The following RGS8 variants were observed in gnomAD, a reference collection of about 807,000 sequenced individuals.
The protein encoded by RGS8 is regulator of G protein signaling 8, also known as regulator of G-protein signaling 8.
In RGS8, 8 loss-of-function variants were observed where a neutral mutation model predicts 21.7. The ratio of observed to expected loss-of-function variants is 0.37; its 90% CI spans 0.22 to 0.66. The LOEUF is 0.66. Ranked by LOEUF, RGS8 falls within the 30% of genes least tolerant of loss-of-function variation. The pLI is 0.59. For missense variants in RGS8, 157 were observed against 217.9 expected, an observed-to-expected ratio of 0.72 and a Z score of 1.76; for synonymous variants, 80 against 83.6, an observed-to-expected ratio of 0.96 and a Z score of 0.24.
the RGS8 span, among the ~76,000 whole-genome samples, chr1:182,691,620 A>C: frequency 1.3e-5 from 2 of 149,976 alleles, no homozygotes; most frequent in Admixed American, 6.6e-5. Context: ...AAAAAAAAAA[A>C]AAAAAAAAAA....
chr1:182,695,172 C>A, the RGS8 span, among the ~76,000 whole-genome samples: 13 of 152,152 alleles, frequency 8.5e-5, no homozygotes, highest in African/African-American at 3.1e-4. Flanking sequence ...TTGGCAAGAA[C>A]ACCTAAGAAA....
chr1:182,673,482 C>T (rs1664256475), upstream of RGS8, among the ~76,000 whole-genome samples: 1 of 151,864 alleles, frequency 6.6e-6, no homozygotes, highest in Non-Finnish European at 1.5e-5. Context: ...TCTTTCTGGG[C>T]AGATCTATTG....
At chr1:182,676,311 C>T (rs1365081258), upstream of RGS8, among the ~76,000 whole-genome samples, 4 of 152,126 alleles carry the variant, frequency 2.6e-5, no homozygotes, top group Non-Finnish European at 5.9e-5. Flanking sequence ...ATCAACATAC[C>T]ACCTAGGATA....
chr1:182,742,747 G>GAGGGACAGGGACAGGGAC, the RGS8 span, among the ~76,000 whole-genome samples: 5,329 of 150,394 alleles, frequency 0.035, 136 homozygotes, highest in Non-Finnish European at 0.055. Flanking sequence ...GGGAGAGGGA[G>GAGGGACAGGGACAGGGAC]AGGGACAGGG....
upstream of RGS8, among the ~76,000 whole-genome samples, chr1:182,689,043 C>T (rs552025170): frequency 1.3e-5 from 2 of 151,960 alleles, no homozygotes; most frequent in African/African-American, 4.8e-5. Flanking sequence ...TGGTAGTAAC[C>T]GAAAACTAAC....
chr1:182,733,226 C>A, the RGS8 span, among the ~76,000 whole-genome samples: 2 of 152,140 alleles, frequency 1.3e-5, no homozygotes, highest in African/African-American at 4.8e-5. Context: ...ATTAAATCAA[C>A]ACAATTTTGC....
upstream of RGS8, among the ~76,000 whole-genome samples, chr1:182,689,264 GACACACACAC>G (rs34000229): frequency 0.012 from 1,531 of 125,764 alleles, 18 homozygotes; most frequent in African/African-American, 0.035. Flanking sequence ...CACACACACA[GACACACACAC>G]ACACACACAC....
At chr1:182,659,935 C>T (rs934118887) in intron 5 of RGS8, among the ~76,000 whole-genome samples, 4 of 152,056 alleles carry the variant, frequency 2.6e-5, no homozygotes, top group African/African-American at 7.2e-5. Flanking sequence ...GCTCATGAGG[C>T]AAAGGGGACA....
chr1:182,742,480 C>T, the RGS8 span, among the ~76,000 whole-genome samples: 3 of 152,210 alleles, frequency 2.0e-5, no homozygotes, highest in Non-Finnish European at 2.9e-5. Context: ...ACTCCGTCTG[C>T]AATCTCGGCA....
At chr1:182,658,584 C>T (rs1366889713) in intron 5 of RGS8, 1 of 152,200 alleles carries the variant, frequency 6.6e-6, no homozygotes, top group Non-Finnish European at 1.5e-5. Flanking sequence ...GATGCCAAAA[C>T]TTCTTTGATC....
At chr1:182,741,183 GC>G in the RGS8 span, among the ~76,000 whole-genome samples, 1 of 144,182 alleles carries the variant, frequency 6.9e-6, no homozygotes, top group Non-Finnish European at 1.5e-5. Context: ...CGGGTGGGGG[GC>G]TGACCCCCCC....
chr1:182,741,332 G>T, the RGS8 span, among the ~76,000 whole-genome samples: 69 of 122,692 alleles, frequency 5.6e-4, 1 homozygote, highest in African/African-American at 2.0e-3. Flanking sequence ...CCTCCCTCCC[G>T]GACGGGGCGG....
upstream of RGS8, chr1:182,671,951 G>A (rs142758866): frequency 3.9e-4 from 543 of 1,388,716 alleles, 4 homozygotes; most frequent in East Asian, 0.013. Flanking sequence ...AGCGGGCGGC[G>A]GCTCAGCTCC....
the RGS8 span, among the ~76,000 whole-genome samples, chr1:182,699,860 TC>T: frequency 6.6e-6 from 1 of 152,048 alleles, no homozygotes; most frequent in African/African-American, 2.4e-5. Context: ...AATGCCGTGT[TC>T]CAGCAGTGCC....
the RGS8 span, among the ~76,000 whole-genome samples, chr1:182,707,023 G>T: frequency 6.6e-6 from 1 of 152,024 alleles, no homozygotes; most frequent in Non-Finnish European, 1.5e-5. Context: ...GCCAGGCGTG[G>T]TGGGGGGTGC....
the RGS8 span, among the ~76,000 whole-genome samples, chr1:182,750,144 T>C: frequency 2.6e-5 from 4 of 152,226 alleles, no homozygotes; most frequent in Non-Finnish European, 2.9e-5. Context: ...TTAGAACACA[T>C]AGTATGAGAT....
chr1:182,742,071 A>C, the RGS8 span, among the ~76,000 whole-genome samples: 104 of 140,374 alleles, frequency 7.4e-4, no homozygotes, highest in Non-Finnish European at 3.0e-4. Flanking sequence ...ACGGGGCGGC[A>C]GGGCAGAGGT....
chr1:182,735,135 G>A, the RGS8 span, among the ~76,000 whole-genome samples: 5 of 152,108 alleles, frequency 3.3e-5, no homozygotes. Context: ...GTGCCTTGAG[G>A]CGAATGGCTA....
upstream of RGS8, among the ~76,000 whole-genome samples, chr1:182,674,040 G>T (rs1286788205): frequency 6.6e-6 from 1 of 152,180 alleles, no homozygotes; most frequent in Non-Finnish European, 1.5e-5. Flanking sequence ...TTTAAAAGTG[G>T]CAGAGCTGGT....
Sources: allele counts gnomAD v4.1 joint callset (sites outside exome capture counted in the v4.1 genomes callset), GRCh38; gene constraint gnomAD v4.1.1; transcripts MANE v1.5; gene names NCBI Gene and HGNC (gene_info 2026-07-23, HGNC 2026-07-21).